Variants in LAMA1 observed in about 807,000 individuals in gnomAD.
LAMA1 encodes the protein laminin subunit alpha-1.
A neutral mutation model predicts 348.7 loss-of-function variants in LAMA1; 219 were observed. The observed-to-expected ratio is 0.63, with a 90% CI of 0.56 to 0.70. LAMA1 has a LOEUF of 0.70. LAMA1 is among the 30% of genes least tolerant of loss of function. The pLI, the probability that LAMA1 is intolerant of heterozygous loss-of-function variation, is 0.00. For missense variants in LAMA1, 3,744 were observed against 3,888.0 expected (o/e 0.96, Z 0.99); for synonymous variants, 1,487 against 1,491.0 (o/e 1.00, Z 0.06).
chr18:6,961,540 A>G (rs1260103927), intron 53 of LAMA1, 46 bp downstream of exon 53: 2 of 1,608,720 alleles, frequency 1.2e-6, no homozygotes, highest in South Asian at 2.2e-5. Context: ...TTGTTTCCCG[A>G]AGTAATTTCC....
intron 60 of LAMA1, 85 bp from the exon 61 acceptor site, chr18:6,947,381 G>C: frequency 6.5e-7 from 1 of 1,546,616 alleles, no homozygotes; most frequent in Non-Finnish European, 8.9e-7. Flanking sequence ...GGGGTTGGGG[G>C]ACCTGGCTCT....
At chr18:7,075,185 G>A (rs1434793609) in intron 3 of LAMA1, among the ~76,000 whole-genome samples, 1 of 151,754 alleles carries the variant, frequency 6.6e-6, no homozygotes, top group Admixed American at 6.6e-5. Flanking sequence ...AGGTCTACCT[G>A]TAATTTTACT....
chr18:6,955,294 G>T, intron 57 of LAMA1, 59 bp downstream of exon 57: 2 of 1,305,454 alleles, frequency 1.5e-6, no homozygotes, highest in South Asian at 1.2e-5. Flanking sequence ...TGTGGCTGCA[G>T]AACACCCCCA....
chr18:7,092,688 C>T (rs533159559), intron 1 of LAMA1, among the ~76,000 whole-genome samples: 1 of 151,832 alleles, frequency 6.6e-6, no homozygotes, highest in East Asian at 1.9e-4. Context: ...TCTTGGCAAA[C>T]CCAACAAGCA....
intron 16 of LAMA1, among the ~76,000 whole-genome samples, chr18:7,027,898 A>T (rs1400588410): frequency 2.0e-5 from 3 of 152,164 alleles, no homozygotes; most frequent in African/African-American, 2.4e-5. Context: ...AGCCAAGATC[A>T]CGTGACTGCA....
intron 1 of LAMA1, among the ~76,000 whole-genome samples, chr18:7,103,438 A>G (rs1208294396): frequency 6.6e-6 from 1 of 151,686 alleles, no homozygotes; most frequent in East Asian, 2.0e-4. Context: ...ATGTGAGCAG[A>G]GGCCTTGGTT....
intron 57 of LAMA1, chr18:6,954,839 G>A: frequency 4.7e-6 from 1 of 213,992 alleles, no homozygotes; most frequent in East Asian, 1.1e-4. Flanking sequence ...GGAGGAGAGA[G>A]GAGCAACATG....
At chr18:7,057,985 G>A (rs1448252709) in intron 3 of LAMA1, among the ~76,000 whole-genome samples, 1 of 148,704 alleles carries the variant, frequency 6.7e-6, no homozygotes, top group Non-Finnish European at 1.5e-5. Context: ...TTTTTTTTTA[G>A]TAGAGACAGG....
At chr18:6,973,638 A>G (rs1482111453) in intron 46 of LAMA1, among the ~76,000 whole-genome samples, 2 of 152,208 alleles carry the variant, frequency 1.3e-5, no homozygotes, top group African/African-American at 2.4e-5. Flanking sequence ...CCCCACTTGC[A>G]TCCTTATTTT....
chr18:7,103,820 A>T (rs2058301177), intron 1 of LAMA1, among the ~76,000 whole-genome samples: 1 of 140,612 alleles, frequency 7.1e-6, no homozygotes, highest in African/African-American at 2.8e-5. Flanking sequence ...CTCCGTCTTA[A>T]AAAAAAAAAA....
chr18:6,979,061 A>C (rs926774928), intron 42 of LAMA1, among the ~76,000 whole-genome samples: 6 of 152,206 alleles, frequency 3.9e-5, no homozygotes, highest in African/African-American at 1.4e-4. Context: ...CAGCAGAAAA[A>C]GCTGGAAAAA....
intron 52 of LAMA1, 36 bp downstream of exon 52, chr18:6,961,909 G>C (rs771860391): frequency 6.3e-7 from 1 of 1,583,702 alleles, no homozygotes; most frequent in South Asian, 1.1e-5. Context: ...GACACTTATG[G>C]AAACTCATTT....
chr18:7,012,035 GACAGCCCGGAGCAGAA>G lies in LAMA1; in HGVS notation c.3451_3466del (p.Phe1151ProfsTer11), dbSNP rs1278033741. 3 of 1,610,650 alleles carry G rather than the reference GACAGCCCGGAGCAGAA, an allele frequency of 1.9e-6. No homozygotes were observed. The highest frequency in any genetic ancestry group is 1.7e-5 in the Admixed American group (1 of 59,596). Reference sequence around the variant, plus strand: ...GTCCTCCAGCTCTGAGCAGAGGTGGGACAGCCCGGAGCAGAAGCACGGGCTGCAGCCCAGGGGGTTG... The same window carrying G: ...GTCCTCCAGCTCTGAGCAGAGGTGGGGCACGGGCTGCAGCCCAGGGGGTTG... On this transcript the variant is annotated frameshift_variant, in exon 24 of 63. Coordinates refer to ENST00000389658, the MANE Select transcript of LAMA1 (RefSeq NM_005559.4). LOFTEE classifies it high-confidence loss of function.
intron 1 of LAMA1, among the ~76,000 whole-genome samples, chr18:7,097,597 G>A (rs989519897): frequency 2.7e-5 from 4 of 146,012 alleles, no homozygotes; most frequent in African/African-American, 1.0e-4. Context: ...AGTTAACAAA[G>A]TTGAATGACT....
intron 46 of LAMA1, 58 bp downstream of exon 46, chr18:6,974,845 T>C (rs2057674146): frequency 6.2e-7 from 1 of 1,601,638 alleles, no homozygotes; most frequent in Non-Finnish European, 8.6e-7. Flanking sequence ...AAGCATGTAA[T>C]TACTTATGAG....
At chr18:6,979,485 T>C (rs980161485) in intron 42 of LAMA1, among the ~76,000 whole-genome samples, 1 of 152,106 alleles carries the variant, frequency 6.6e-6, no homozygotes, top group African/African-American at 2.4e-5. Context: ...CTGGGCAACA[T>C]AGCAAGACAC....
At chr18:6,955,686 A>C in intron 56 of LAMA1, 1 of 647,676 alleles carries the variant, frequency 1.5e-6, no homozygotes. Context: ...TGTCACCTTA[A>C]TCCCACTCGG....
chr18:7,044,510 G>C (rs937948819), intron 7 of LAMA1, among the ~76,000 whole-genome samples: 2 of 152,026 alleles, frequency 1.3e-5, no homozygotes, highest in African/African-American at 4.8e-5. Flanking sequence ...TAGACTATAC[G>C]GGAAGGGGGA....
intron 1 of LAMA1, among the ~76,000 whole-genome samples, chr18:7,093,145 A>G (rs148664731): frequency 2.7e-4 from 41 of 152,334 alleles, no homozygotes; most frequent in East Asian, 9.6e-4. Context: ...GGCGGGGCAC[A>G]GTGGCTCACG....
Sources: gnomAD v4.1 joint callset for allele counts (sites outside exome capture counted in the v4.1 genomes callset) on GRCh38, gnomAD v4.1.1 for gene constraint, MANE v1.5 for transcripts, NCBI Gene and HGNC (gene_info 2026-07-23, HGNC 2026-07-21) for gene names.